The following ABCA8 variants were observed in gnomAD, a reference collection of about 807,000 sequenced individuals.
ABCA8 encodes ABC-type organic anion transporter ABCA8.
In ABCA8, 177 loss-of-function variants were observed where a neutral mutation model predicts 192.3. The observed-to-expected ratio is 0.92, with a 90% CI of 0.81 to 1.04. ABCA8 has a LOEUF of 1.04. Ranked by LOEUF, ABCA8 falls within the 50% of genes least tolerant of loss-of-function variation. The probability of loss-of-function intolerance (pLI) is 0.00; values close to 1 mark genes in which losing one functional copy is unlikely to be tolerated. For synonymous variants in ABCA8, 642 were observed against 690.2 expected (o/e 0.93, Z 1.09); for missense variants, 1,915 against 1,904.8 (o/e 1.01, Z -0.10).
intron 37 of ABCA8, among the ~76,000 whole-genome samples, chr17:68,870,204 TGCCTAGG>T (rs763105487): frequency 3.9e-5 from 6 of 152,208 alleles, no homozygotes; most frequent in Non-Finnish European, 7.3e-5. Context: ...ACTGTAGACA[TGCCTAGG>T]TAGAACACCC....
rs1567830491 is a variant in ABCA8, at chr17:68,887,907, TCCA to T, written c.3145-404_3145-402del. On this transcript the variant is annotated intron_variant, in intron 24 of 39. Coordinates refer to ENST00000586539, the MANE Select transcript of ABCA8 (RefSeq NM_001288985.2). ...ATATATATATATATATATATATATA[TCCA>T]TATATATATATATATTATATATGGA... 6.4e-4 allele frequency among the ~76,000 whole-genome samples: 36 copies of T among 55,980 alleles called. 2 individuals are homozygous for T. The highest frequency in any genetic ancestry group is 4.3e-3 in the African/African-American group (30 of 7,018). The allele number at this position is 55,980 out of a possible 152,430, so 36.7% of individuals were successfully genotyped here. A position where few individuals can be genotyped will look rare whatever the true frequency, so the allele number is the denominator to read the frequency against.
intron 1 of ABCA8, among the ~76,000 whole-genome samples, chr17:68,954,986 T>A (rs879546095): frequency 2.6e-4 from 39 of 152,326 alleles, no homozygotes; most frequent in African/African-American, 7.9e-4. Flanking sequence ...CATAATTTTT[T>A]AAAAAACATT....
chr17:68,946,401 G>T (rs2068409492), intron 2 of ABCA8, among the ~76,000 whole-genome samples: 1 of 152,014 alleles, frequency 6.6e-6, no homozygotes, highest in South Asian at 2.1e-4. Flanking sequence ...TTCTTTCTGA[G>T]CACAGAGCTA....
At chr17:68,944,946 A>C (rs1406259773) in intron 2 of ABCA8, 1 of 152,372 alleles carries the variant, frequency 6.6e-6, no homozygotes, top group Non-Finnish European at 1.5e-5. Flanking sequence ...AAACATGTTG[A>C]GGAAGCCCCA....
intron 30 of ABCA8, 74 bp downstream of exon 30, chr17:68,882,525 C>T (rs1368126613): frequency 3.6e-6 from 5 of 1,382,490 alleles, no homozygotes; most frequent in South Asian, 1.6e-5. Context: ...TTGTAAGGAA[C>T]AGAGAAACTC....
intron 24 of ABCA8, among the ~76,000 whole-genome samples, chr17:68,889,294 T>C (rs952170046): frequency 1.3e-5 from 2 of 152,212 alleles, no homozygotes; most frequent in Admixed American, 1.3e-4. Flanking sequence ...TTATTAATCA[T>C]ATAAATTCAC....
intron 1 of ABCA8, among the ~76,000 whole-genome samples, chr17:68,951,166 T>A (rs541616685): frequency 4.6e-5 from 7 of 152,192 alleles, no homozygotes; most frequent in Non-Finnish European, 8.8e-5. Context: ...TATTGCTGTG[T>A]GTTGTTATTT....
intron 37 of ABCA8, among the ~76,000 whole-genome samples, chr17:68,871,063 A>G (rs1221469974): frequency 6.6e-6 from 1 of 152,178 alleles, no homozygotes; most frequent in Non-Finnish European, 1.5e-5. Flanking sequence ...CTATGACACT[A>G]TACCACAGAC....
At chr17:68,929,462 A>C (rs1347137420) in intron 8 of ABCA8, 99 bp downstream of exon 8, 1 of 1,351,302 alleles carries the variant, frequency 7.4e-7, no homozygotes, top group Non-Finnish European at 1.0e-6. Context: ...ATGCAAACAG[A>C]GTAGGTAGAA....
At chr17:68,916,668 A>G (rs566578508) in intron 17 of ABCA8, among the ~76,000 whole-genome samples, 1 of 152,312 alleles carries the variant, frequency 6.6e-6, no homozygotes, top group South Asian at 2.1e-4. Context: ...GAGAAGAACA[A>G]GAAAGAAGGG....
intron 19 of ABCA8, 131 bp downstream of exon 19, chr17:68,905,913 G>A (rs2067053225): frequency 8.1e-6 from 7 of 858,906 alleles, no homozygotes; most frequent in African/African-American, 1.7e-5. Context: ...ACAGGGATGC[G>A]TTTCATTTTT....
intron 7 of ABCA8, chr17:68,931,652 G>A (rs918862412): frequency 5.3e-5 from 8 of 151,316 alleles, no homozygotes; most frequent in African/African-American, 1.5e-4. Flanking sequence ...TCACAGTACA[G>A]TGAATCTGAA....
intron 2 of ABCA8, among the ~76,000 whole-genome samples, chr17:68,945,640 C>T (rs2068377143): frequency 6.6e-6 from 1 of 152,036 alleles, no homozygotes; most frequent in Non-Finnish European, 1.5e-5. Flanking sequence ...TGTGTAAGAC[C>T]TAAGAGAGTG....
At chr17:68,868,806 G>C (rs896354709) in intron 38 of ABCA8, among the ~76,000 whole-genome samples, 9 of 152,146 alleles carry the variant, frequency 5.9e-5, no homozygotes, top group African/African-American at 2.2e-4. Context: ...GTTAGGAACT[G>C]TTCTTTTGAC....
In ABCA8 at chr17:68,915,978, A is replaced by T. The variant is rs574005494; in HGVS notation, c.2138+1383T>A. 3.9e-5 allele frequency among the ~76,000 whole-genome samples: 6 copies of T among 152,324 alleles called. No homozygotes were observed. The East Asian group carries it at 1.2e-3, about 29-fold the overall frequency. On this transcript the variant is annotated intron_variant, in intron 17 of 39. Coordinates refer to ENST00000586539, the MANE Select transcript of ABCA8 (RefSeq NM_001288985.2). ...ATGAGATACTGTCATGTGCAACAAC[A>T]TGGATGGAATGGAGATCATTATATT... is the stretch of plus-strand genomic sequence containing the variant.
chr17:68,941,260 A>G (rs1241496424), intron 3 of ABCA8, among the ~76,000 whole-genome samples: 2 of 152,146 alleles, frequency 1.3e-5, no homozygotes, highest in East Asian at 1.9e-4. Context: ...GAGGGATAGT[A>G]TCTTCGTTAG....
At chr17:68,896,935 T>G (rs958863530) in intron 21 of ABCA8, among the ~76,000 whole-genome samples, 3 of 152,216 alleles carry the variant, frequency 2.0e-5, no homozygotes, top group African/African-American at 7.2e-5. Flanking sequence ...CCATAGTGCA[T>G]GATAAGTGCT....
chr17:68,929,329 G>T (rs1439769431), intron 8 of ABCA8, 95 bp from the exon 9 acceptor site: 3 of 1,121,130 alleles, frequency 2.7e-6, no homozygotes, highest in African/African-American at 3.2e-5. Context: ...TTTTGTGTAT[G>T]TAACAGTTGT....
chr17:68,884,136 A>C (rs2066401310), intron 28 of ABCA8, among the ~76,000 whole-genome samples, 195 bp downstream of exon 28: 1 of 152,158 alleles, frequency 6.6e-6, no homozygotes, highest in Admixed American at 6.5e-5. Context: ...GAGTCCTTAA[A>C]ATTTGGGAGG....
Sources: allele counts gnomAD v4.1 joint callset (sites outside exome capture counted in the v4.1 genomes callset), GRCh38; gene constraint gnomAD v4.1.1; transcripts MANE v1.5; gene names NCBI Gene and HGNC (gene_info 2026-07-23, HGNC 2026-07-21).